Variants in NCAPG observed in about 807,000 individuals in gnomAD.
NCAPG encodes non-SMC condensin I complex subunit G.
In NCAPG, 69 loss-of-function variants were observed where a neutral mutation model predicts 113.1. The observed-to-expected ratio is 0.61, with a 90% CI of 0.50 to 0.75. The LOEUF is 0.75. Ranked by LOEUF, NCAPG falls within the 30% of genes least tolerant of loss-of-function variation. The pLI is 0.00. For missense variants in NCAPG, 1,058 were observed against 1,177.0 expected, an observed-to-expected ratio of 0.90 and a Z score of 1.48; for synonymous variants, 370 against 415.8, an observed-to-expected ratio of 0.89 and a Z score of 1.34.
At chr4:17,823,506 A>G (rs1156953246) in intron 8 of NCAPG, 141 bp from the exon 9 acceptor site, 1 of 704,204 alleles carries the variant, frequency 1.4e-6, no homozygotes, top group Admixed American at 3.4e-5. Context: ...GTCTGTACAT[A>G]CAGATTTTTG....
rs142989728 is a variant in NCAPG, at chr4:17,837,643, T to A, written c.2308T>A (p.Phe770Ile). The A allele has an allele frequency of 2.4e-4, 382 of 1,613,614 alleles. 1 individual carries two copies. The highest frequency in any genetic ancestry group is 2.1e-4 in the Non-Finnish European group (248 of 1,179,882). Residue 770 changes from phenylalanine (F) to isoleucine (I), a missense_variant, in exon 16 of 21, where the codon TTT (phenylalanine) becomes ATT (isoleucine). Transcript: ENST00000251496. ...TCTCAATAGGACTAATCAGGAATGCTTTGAAGAAGCTTTTCTTCCAACCCT... is the reference window on the plus strand; with the variant it reads ...TCTCAATAGGACTAATCAGGAATGCATTGAAGAAGCTTTTCTTCCAACCCT... ...AYASRTNQECFEEAFLPTLQT... is the reference protein window; with the variant it reads ...AYASRTNQECIEEAFLPTLQT...
intron 18 of NCAPG, 151 bp downstream of exon 18, chr4:17,840,360 TA>T: frequency 1.2e-6 from 1 of 816,382 alleles, no homozygotes. Context: ...GAAAGAGCAT[TA>T]CTGATAAATG....
chr4:17,830,642 C>T (rs1353266624), intron 12 of NCAPG, among the ~76,000 whole-genome samples: 2 of 143,008 alleles, frequency 1.4e-5, no homozygotes, highest in South Asian at 2.2e-4. Flanking sequence ...TATTATATTT[C>T]TGTTGGATAG....
intron 7 of NCAPG, among the ~76,000 whole-genome samples, chr4:17,819,355 T>C (rs1323017227): frequency 6.6e-6 from 1 of 152,164 alleles, no homozygotes; most frequent in Non-Finnish European, 1.5e-5. Context: ...ATAATATATG[T>C]ATATTTTGAT....
chr4:17,814,944 A>C lies in NCAPG; in HGVS notation c.636A>C (p.Lys212Asn). The C allele has an allele frequency of 1.2e-6, 2 of 1,614,178 alleles. No individual in the cohort carries two copies. The highest frequency in any genetic ancestry group is 1.7e-6 in the Non-Finnish European group (2 of 1,180,028). The change falls in exon 4 of 21, where the codon AAA becomes AAC. Residue 212 changes from lysine (K) to asparagine (N), a missense_variant. Coordinates refer to ENST00000251496, the MANE Select transcript of NCAPG (RefSeq NM_022346.5). ...CACCATCAGCAAAGACTTTGCCAAA[A>C]ATTGTAGGGCGCACCAAGGATGTGA... ...CIAPSAKTLPKIVGRTKDVKE... is the reference protein window; with the variant it reads ...CIAPSAKTLPNIVGRTKDVKE...
intron 11 of NCAPG, among the ~76,000 whole-genome samples, chr4:17,827,022 A>C (rs553622477): frequency 5.3e-5 from 8 of 152,354 alleles, no homozygotes; most frequent in Non-Finnish European, 5.9e-5. Flanking sequence ...GCAGGATTTA[A>C]ACCCAAGAAG....
intron 15 of NCAPG, 136 bp from the exon 16 acceptor site, chr4:17,837,491 T>C: frequency 8.0e-7 from 1 of 1,243,124 alleles, no homozygotes; most frequent in Non-Finnish European, 1.1e-6. Flanking sequence ...AGATTTTATC[T>C]ATCTGAATTT....
At chr4:17,835,796 A>G (rs974774496) in intron 14 of NCAPG, among the ~76,000 whole-genome samples, 6 of 152,210 alleles carry the variant, frequency 3.9e-5, no homozygotes, top group African/African-American at 9.6e-5. Context: ...ATCTTGTATC[A>G]GTACTCCGTT....
intron 7 of NCAPG, among the ~76,000 whole-genome samples, chr4:17,819,766 A>C (rs1577335648): frequency 8.5e-6 from 1 of 117,380 alleles, no homozygotes; most frequent in Admixed American, 8.6e-5. Context: ...TGTATGAAGT[A>C]CAGTTCTCTG....
At chr4:17,822,262 C>T (rs1037784400) in intron 7 of NCAPG, among the ~76,000 whole-genome samples, 19 of 143,386 alleles carry the variant, frequency 1.3e-4, no homozygotes, top group Non-Finnish European at 2.7e-4. Context: ...GGTGCGATCT[C>T]GGCTCACTGC....
At chr4:17,840,253 T>A in intron 18 of NCAPG, 44 bp downstream of exon 18, 1 of 1,459,598 alleles carries the variant, frequency 6.9e-7, no homozygotes, top group African/African-American at 1.5e-5. Context: ...TCTGTTTTTT[T>A]TTTTCCATCT....
At chr4:17,840,582 ATTG>A (rs780021526) in intron 18 of NCAPG, 22 bp from the exon 19 acceptor site, 16 of 1,257,432 alleles carry the variant, frequency 1.3e-5, no homozygotes, top group Middle Eastern at 2.2e-4. Flanking sequence ...TCTTATTTAT[ATTG>A]TTGTATTATT....
intron 7 of NCAPG, among the ~76,000 whole-genome samples, chr4:17,819,239 A>C (rs1371510902): frequency 6.6e-6 from 1 of 152,046 alleles, no homozygotes; most frequent in Non-Finnish European, 1.5e-5. Context: ...GGATGTTTCC[A>C]TTTTTCACTG....
intron 13 of NCAPG, among the ~76,000 whole-genome samples, chr4:17,833,497 G>GTTGTTGTT (rs1215779646): frequency 6.7e-6 from 1 of 149,866 alleles, no homozygotes; most frequent in Admixed American, 6.7e-5. Flanking sequence ...TGTTGTTGTT[G>GTTGTTGTT]TTGTTGTTGT....
Position 17,843,447 on chromosome 4 carries a change from C to G in NCAPG, c.*22C>G, listed in dbSNP as rs764161445. ...TTAGGAAAGACGATGGAGGTGGAAT[C>G]CTTTAAGATTATGTCCAGTTATTTG... On this transcript the variant is annotated 3_prime_UTR_variant, in exon 21 of 21. Transcript: ENST00000251496. 8.7e-6 allele frequency: 14 copies of G among 1,608,048 alleles called. 2 individuals are homozygous for G. In the Middle Eastern group the frequency reaches 1.7e-3, roughly 191 times the overall value.
chr4:17,812,323 G>A lies in NCAPG; in HGVS notation c.214G>A (p.Ala72Thr), dbSNP rs1490866326. 13 of 1,613,672 alleles carry A rather than the reference G, an allele frequency of 8.1e-6. No individual in the cohort carries two copies. The highest frequency in any genetic ancestry group is 1.1e-5 in the Non-Finnish European group (13 of 1,179,848). ...AGCTGTGGAGAGGGTAATAGAATTT[G>A]CAGCAAAGTTTGTTACCTCATTTCA... Reference protein sequence around the residue: ...EPAVERVIEFAAKFVTSFHQS... With the variant: ...EPAVERVIEFTAKFVTSFHQS... The change falls in exon 2 of 21, where the codon GCA (alanine) becomes ACA (threonine). Residue 72 changes from alanine (A) to threonine (T), a missense_variant. Coordinates refer to ENST00000251496, the MANE Select transcript of NCAPG (RefSeq NM_022346.5).
intron 7 of NCAPG, 83 bp from the exon 8 acceptor site, chr4:17,822,900 C>T: frequency 8.9e-7 from 1 of 1,123,060 alleles, no homozygotes; most frequent in Non-Finnish European, 1.2e-6. Flanking sequence ...CTGAAAATGG[C>T]CCTTTTCTGA....
At chr4:17,819,504 C>T (rs557622080) in intron 7 of NCAPG, among the ~76,000 whole-genome samples, 33 of 151,904 alleles carry the variant, frequency 2.2e-4, no homozygotes, top group African/African-American at 7.2e-4. Context: ...CGGGTTCAAG[C>T]GATTCTCTTG....
intron 20 of NCAPG, 67 bp from the exon 21 acceptor site, chr4:17,843,235 T>C (rs1329314811): frequency 2.0e-6 from 3 of 1,527,594 alleles, no homozygotes; most frequent in South Asian, 2.5e-5. Context: ...AACAAAAAAG[T>C]TTTATTTATA....
Sources: allele counts gnomAD v4.1 joint callset (sites outside exome capture counted in the v4.1 genomes callset), GRCh38; gene constraint gnomAD v4.1.1; transcripts MANE v1.5; gene names NCBI Gene and HGNC (gene_info 2026-07-23, HGNC 2026-07-21).